The following PDGFRA variants were observed in gnomAD, a reference collection of about 807,000 sequenced individuals.
PDGFRA encodes platelet derived growth factor receptor alpha.
In PDGFRA, 25 loss-of-function variants were observed where a neutral mutation model predicts 121.5. The ratio of observed to expected loss-of-function variants is 0.21; its 90% CI spans 0.15 to 0.29. The LOEUF is 0.29. Ranked by LOEUF, PDGFRA falls within the 10% of genes least tolerant of loss-of-function variation. PDGFRA has a pLI of 1.00. For missense variants in PDGFRA, 1,008 were observed against 1,345.1 expected, an observed-to-expected ratio of 0.75 and a Z score of 3.92; for synonymous variants, 463 against 494.8, an observed-to-expected ratio of 0.94 and a Z score of 0.85.
chr4:54,246,823 G>C (rs1320924788), intron 1 of PDGFRA, among the ~76,000 whole-genome samples: 1 of 149,196 alleles, frequency 6.7e-6, no homozygotes, highest in Non-Finnish European at 1.5e-5. Flanking sequence ...CTGCTAGCAA[G>C]ACTAATAAAG....
At chr4:54,290,649 T>A in intron 22 of PDGFRA, 95 bp downstream of exon 22, 2 of 1,391,282 alleles carry the variant, frequency 1.4e-6, no homozygotes, top group Non-Finnish European at 2.0e-6. Context: ...GCACTCCCGG[T>A]TGGTAAATAT....
chr4:54,235,340 C>G (rs1269735252), intron 1 of PDGFRA, among the ~76,000 whole-genome samples: 1 of 152,208 alleles, frequency 6.6e-6, no homozygotes, highest in Non-Finnish European at 1.5e-5. Context: ...ATTGAGAAGC[C>G]AACTCTCTGG....
At chr4:54,245,074 G>A (rs966828225) in intron 1 of PDGFRA, among the ~76,000 whole-genome samples, 8 of 152,328 alleles carry the variant, frequency 5.3e-5, no homozygotes, top group African/African-American at 1.9e-4. Context: ...TATGTGAAAA[G>A]ACCAAATCTA....
At chr4:54,281,589 G>C in intron 16 of PDGFRA, 1 of 1,350,904 alleles carries the variant, frequency 7.4e-7, no homozygotes, top group Non-Finnish European at 9.7e-7. Context: ...AGGCTGGGCT[G>C]GTGGAGTTGG....
chr4:54,250,940 C>T (rs1215635444), intron 1 of PDGFRA, among the ~76,000 whole-genome samples: 1 of 151,908 alleles, frequency 6.6e-6, no homozygotes, highest in African/African-American at 2.4e-5. Context: ...TGGCATGCAC[C>T]TGTAATCCCA....
intron 1 of PDGFRA, chr4:54,240,083 G>C (rs1355420070): frequency 4.9e-6 from 2 of 409,206 alleles, no homozygotes; most frequent in South Asian, 3.5e-5. Flanking sequence ...GAACTCCTGG[G>C]CTCAAATGAT....
chr4:54,287,565 A>G (rs1724419121), intron 19 of PDGFRA, 24 bp downstream of exon 19: 1 of 914,416 alleles, frequency 1.1e-6, no homozygotes, highest in Admixed American at 1.7e-5. Context: ...ATTGCTGCTT[A>G]TTTGGGCTGT....
chr4:54,238,457 A>C (rs888838034), intron 1 of PDGFRA, among the ~76,000 whole-genome samples: 1 of 152,176 alleles, frequency 6.6e-6, no homozygotes, highest in Non-Finnish European at 1.5e-5. Flanking sequence ...AAAGCCAATG[A>C]TGGAACAAAT....
rs1723172594 is a variant in PDGFRA, at chr4:54,268,725, CTG to C, written c.1121+986_1121+987del. On this transcript the variant is annotated intron_variant, in intron 7 of 22. Transcript: ENST00000257290. ...TGGGATACTGAATCTGGAAGGCTTTCTGTTGACACAAAATGAAGGTGTACAAC... is the reference window on the plus strand; with the variant it reads ...TGGGATACTGAATCTGGAAGGCTTTCTTGACACAAAATGAAGGTGTACAAC... Among the ~76,000 whole-genome samples, 3 of 152,344 alleles carry C rather than the reference CTG, an allele frequency of 2.0e-5. No individual in the cohort carries two copies. The South Asian group carries it at 6.2e-4, about 32-fold the overall frequency.
chr4:54,275,072 A>C, intron 12 of PDGFRA, 99 bp downstream of exon 12: 1 of 1,288,378 alleles, frequency 7.8e-7, no homozygotes, highest in Non-Finnish European at 1.1e-6. Flanking sequence ...GCTTGTGCTT[A>C]GTAAGAACTA....
chr4:54,272,587 C>CAATAAGTA, intron 9 of PDGFRA, 67 bp downstream of exon 9: 1 of 1,546,184 alleles, frequency 6.5e-7, no homozygotes, highest in Non-Finnish European at 8.9e-7. Flanking sequence ...CAAATGATGT[C>CAATAAGTA]AAATACATTT....
At chr4:54,259,507 A>G (rs1041492698) in intron 2 of PDGFRA, among the ~76,000 whole-genome samples, 2 of 152,214 alleles carry the variant, frequency 1.3e-5, no homozygotes, top group East Asian at 3.8e-4. Flanking sequence ...TCCCACCAAA[A>G]GGATCATTGG....
chr4:54,237,455 T>C (rs944215838), intron 1 of PDGFRA, among the ~76,000 whole-genome samples: 2 of 152,328 alleles, frequency 1.3e-5, no homozygotes, highest in East Asian at 3.9e-4. Context: ...TTGGCAAGTC[T>C]TGCCAAAGAA....
intron 3 of PDGFRA, among the ~76,000 whole-genome samples, chr4:54,262,429 G>T (rs1248803349): frequency 6.6e-6 from 1 of 152,108 alleles, no homozygotes; most frequent in Non-Finnish European, 1.5e-5. Flanking sequence ...ATTTCAGTAT[G>T]CAGTTGGGTA....
At chr4:54,286,012 A>G in intron 18 of PDGFRA, 49 bp downstream of exon 18, 1 of 1,586,606 alleles carries the variant, frequency 6.3e-7, no homozygotes, top group Non-Finnish European at 8.7e-7. Flanking sequence ...CTTCACTTTA[A>G]TCTCTAAAGT....
At chr4:54,275,026 T>G (rs932526317) in intron 12 of PDGFRA, 53 bp downstream of exon 12, 2 of 1,598,980 alleles carry the variant, frequency 1.3e-6, no homozygotes, top group African/African-American at 2.7e-5. Context: ...GCACACAACT[T>G]TACAATTTAT....
In PDGFRA at chr4:54,278,390, C is replaced by T. The variant is rs2110315152; in HGVS notation, c.2031C>T (p.Cys677=). Residue 677 remains cysteine, a synonymous_variant, in exon 15 of 23, where the codon TGC becomes TGT. Coordinates refer to ENST00000257290, the MANE Select transcript of PDGFRA (RefSeq NM_006206.6). The part of the protein sequence containing the change: ...SGPIYIITEY[C]FYGDLVNYLH... ...CCATTTACATCATCACAGAGTATTGCTTCTATGGAGATTTGGTCAACTATT... is the reference window on the plus strand; with the variant it reads ...CCATTTACATCATCACAGAGTATTGTTTCTATGGAGATTTGGTCAACTATT... 6.2e-7 allele frequency: 1 copy of T among 1,613,648 alleles called. No individual in the cohort carries two copies. Among genetic ancestry groups the T allele is most frequent in the Non-Finnish European group, 8.5e-7 (1 of 1,179,654 alleles).
chr4:54,267,465 A>C lies in PDGFRA; in HGVS notation c.931+5A>C, dbSNP rs745430555. 1.2e-6 allele frequency: 2 copies of C among 1,614,042 alleles called. No individual in the cohort carries two copies. The highest frequency in any genetic ancestry group is 8.5e-7 in the Non-Finnish European group (1 of 1,180,006). ...AAGTCACTATTTCTGTCCATGGTAC[A>C]TTCCGCTTTCTAAAATGTCAGTTGT... On this transcript the variant is annotated splice_donor_5th_base_variant and intron_variant, in intron 6 of 22. Transcript: ENST00000257290.
rs573797401 is a variant in PDGFRA at position 54,281,978 on chromosome 4, A to C, written c.2323+1496A>C. Reference sequence around the variant, plus strand: ...GAAAATAAAGCAATTCACAGAAACTACTTTTTCATGTAGCTTGTATGTGTG... The same window carrying C: ...GAAAATAAAGCAATTCACAGAAACTCCTTTTTCATGTAGCTTGTATGTGTG... On this transcript the variant is annotated intron_variant, in intron 16 of 22. Transcript: ENST00000257290. 5.6e-6 allele frequency: 6 copies of C among 1,080,084 alleles called. No individual in the cohort carries two copies. The South Asian group carries it at 2.0e-4, about 36-fold the overall frequency. The allele number at this position is 1,080,084 out of a possible 1,614,324, so 66.9% of individuals were successfully genotyped here. A position where few individuals can be genotyped will look rare whatever the true frequency, so the allele number is the denominator to read the frequency against.
Sources: allele counts gnomAD v4.1 joint callset (sites outside exome capture counted in the v4.1 genomes callset), GRCh38; gene constraint gnomAD v4.1.1; transcripts MANE v1.5; gene names NCBI Gene and HGNC (gene_info 2026-07-23, HGNC 2026-07-21).